AKAP6: variants seen among roughly 807,000 people sequenced by gnomAD.
AKAP6 encodes A-kinase anchor protein 6.
Under a neutral mutation model 188.5 loss-of-function variants are expected in AKAP6, and 58 were observed. The ratio of observed to expected loss-of-function variants is 0.31; its 90% CI spans 0.25 to 0.38. AKAP6 has a LOEUF of 0.38. Ranked by LOEUF, AKAP6 falls within the 10% of genes least tolerant of loss-of-function variation. The probability of loss-of-function intolerance (pLI) is 1.00; values close to 1 mark genes in which losing one functional copy is unlikely to be tolerated. For synonymous variants in AKAP6, 989 were observed against 998.6 expected (o/e 0.99, Z 0.18); for missense variants, 2,710 against 2,740.0 (o/e 0.99, Z 0.24).
rs987604998 is a variant in AKAP6 at position 32,559,785 on chromosome 14, T to C, written c.2346+12786T>C. On this transcript the variant is annotated intron_variant, in intron 4 of 13. Coordinates refer to ENST00000280979, the MANE Select transcript of AKAP6 (RefSeq NM_004274.5). ...GGAGGTAGTCCTCTAAGCCTAATCTTTTTTTTTTTTTTTTTTTTTAAGGCA... is the reference window on the plus strand; with the variant it reads ...GGAGGTAGTCCTCTAAGCCTAATCTCTTTTTTTTTTTTTTTTTTTAAGGCA... 3.6e-5 allele frequency among the ~76,000 whole-genome samples: 4 copies of C among 111,320 alleles called. No homozygotes were observed. In the East Asian group the frequency reaches 8.7e-4, roughly 24 times the overall value. The allele number at this position is 111,320 out of a possible 152,430, so 73.0% of individuals were successfully genotyped here. A position where few individuals can be genotyped will look rare whatever the true frequency, so the allele number is the denominator to read the frequency against.
At chr14:32,400,639 A>C (rs1181440299) in intron 1 of AKAP6, among the ~76,000 whole-genome samples, 1 of 148,032 alleles carries the variant, frequency 6.8e-6, no homozygotes, top group African/African-American at 2.5e-5. Flanking sequence ...TTATTTTAAT[A>C]GTTGTGGTCT....
intron 4 of AKAP6, among the ~76,000 whole-genome samples, chr14:32,576,715 A>C (rs1321325085): frequency 6.6e-6 from 1 of 152,146 alleles, no homozygotes; most frequent in Non-Finnish European, 1.5e-5. Context: ...CAGGAATGCC[A>C]ATCCCTGTAA....
chr14:32,751,939 T>C (rs969508247), intron 11 of AKAP6, among the ~76,000 whole-genome samples: 7 of 152,340 alleles, frequency 4.6e-5, no homozygotes, highest in African/African-American at 1.4e-4. Context: ...TTCTCTTTTT[T>C]GGTATTAACT....
intron 9 of AKAP6, among the ~76,000 whole-genome samples, chr14:32,706,595 T>C (rs1181894778): frequency 6.6e-6 from 1 of 152,148 alleles, no homozygotes; most frequent in Non-Finnish European, 1.5e-5. Flanking sequence ...AAAACCATTT[T>C]GCAGTCCTGT....
At chr14:32,571,498 C>A (rs1392880149) in intron 4 of AKAP6, among the ~76,000 whole-genome samples, 3 of 152,088 alleles carry the variant, frequency 2.0e-5, no homozygotes, top group Admixed American at 2.0e-4. Context: ...CCGCTGCACT[C>A]TAGCCTTATC....
intron 7 of AKAP6, among the ~76,000 whole-genome samples, chr14:32,657,925 T>G (rs748412811): frequency 6.6e-6 from 1 of 152,178 alleles, no homozygotes; most frequent in African/African-American, 2.4e-5. Context: ...ATGCCAATTT[T>G]ATATTTAACA....
intron 1 of AKAP6, among the ~76,000 whole-genome samples, chr14:32,381,059 G>A (rs1024762251): frequency 6.6e-6 from 1 of 152,128 alleles, no homozygotes; most frequent in African/African-American, 2.4e-5. Flanking sequence ...AATATCGGCT[G>A]GGCATGGTAG....
chr14:32,473,133 C>G (rs967431932), intron 2 of AKAP6, among the ~76,000 whole-genome samples: 2 of 152,168 alleles, frequency 1.3e-5, no homozygotes, highest in African/African-American at 4.8e-5. Flanking sequence ...CTAAGACTGA[C>G]CTACAGCTTT....
At chr14:32,435,219 A>C (rs1182068416) in intron 2 of AKAP6, among the ~76,000 whole-genome samples, 1 of 152,120 alleles carries the variant, frequency 6.6e-6, no homozygotes, top group African/African-American at 2.4e-5. Context: ...TCCCATAAGT[A>C]GATAGGGGGT....
intron 12 of AKAP6, among the ~76,000 whole-genome samples, chr14:32,778,392 C>G (rs1050712123): frequency 6.6e-6 from 1 of 151,100 alleles, no homozygotes; most frequent in African/African-American, 2.4e-5. Flanking sequence ...AGAAGTCAAA[C>G]GTATGACAAC....
chr14:32,523,692 C>T (rs77098665), intron 2 of AKAP6, among the ~76,000 whole-genome samples: 10,745 of 151,306 alleles, frequency 0.071, 411 homozygotes, highest in Admixed American at 0.11. Flanking sequence ...TGGTCTCGAG[C>T]TCCTGAGCCA....
chr14:32,339,242 T>C lies in AKAP6; in HGVS notation c.-35+9834T>C, dbSNP rs529061624. Among the ~76,000 whole-genome samples the C allele has an allele frequency of 3.9e-5, 6 of 152,304 alleles. No individual in the cohort carries two copies. In the South Asian group the frequency reaches 1.2e-3, roughly 32 times the overall value. ...TGTTACGAGAGTAAATGAATCCACA[T>C]AACCCTGTGAGAGGAGGCCACATGA... is the stretch of plus-strand genomic sequence containing the variant. On this transcript the variant is annotated intron_variant, in intron 1 of 13. Transcript: ENST00000280979.
At chr14:32,544,854 A>G (rs188548150) in intron 3 of AKAP6, among the ~76,000 whole-genome samples, 156 of 152,206 alleles carry the variant, frequency 1.0e-3, no homozygotes, top group Non-Finnish European at 1.7e-3. Context: ...ATTCGTGGAG[A>G]TTTTACTTTT....
chr14:32,412,801 C>T (rs3825750), intron 1 of AKAP6, among the ~76,000 whole-genome samples: 96,094 of 152,062 alleles, frequency 0.63, 32,728 homozygotes, highest in Non-Finnish European at 0.76. Context: ...ACACACACCA[C>T]GGATGATGTT....
intron 2 of AKAP6, chr14:32,494,270 A>G (rs745450913): frequency 2.0e-5 from 3 of 152,138 alleles, no homozygotes; most frequent in Non-Finnish European, 4.4e-5. Flanking sequence ...CTTTTGTGGA[A>G]ACCATGAGTA....
intron 9 of AKAP6, among the ~76,000 whole-genome samples, chr14:32,721,084 A>G (rs1277968235): frequency 6.6e-6 from 1 of 152,114 alleles, no homozygotes; most frequent in African/African-American, 2.4e-5. Flanking sequence ...TTGCATAACT[A>G]TTTTTACTAT....
intron 12 of AKAP6, among the ~76,000 whole-genome samples, chr14:32,783,116 C>A (rs576402117): frequency 6.6e-6 from 1 of 152,030 alleles, no homozygotes; most frequent in East Asian, 1.9e-4. Flanking sequence ...CATAAATGGT[C>A]AATTAATTTT....
chr14:32,533,562 G>T (rs1403792168), intron 2 of AKAP6, among the ~76,000 whole-genome samples: 1 of 152,150 alleles, frequency 6.6e-6, no homozygotes, highest in African/African-American at 2.4e-5. Flanking sequence ...ACAACAGAAT[G>T]GGGGGAAGTG....
chr14:32,829,929 T>C lies in AKAP6; in HGVS notation c.*124T>C, dbSNP rs2034785551. The C allele has an allele frequency of 1.4e-6, 1 of 702,598 alleles. No homozygotes were observed. The highest frequency in any genetic ancestry group is 2.6e-6 in the Non-Finnish European group (1 of 384,796). The allele number at this position is 702,598 out of a possible 1,614,324, so 43.5% of individuals were successfully genotyped here. On this transcript the variant is annotated 3_prime_UTR_variant, in exon 14 of 14. Transcript: ENST00000280979. ...GGTTCCATCACGTTTGTCACTGCCG[T>C]TTATTACATTGACTTCTCCCAAGAT...
Sources: gnomAD v4.1 joint callset for allele counts (sites outside exome capture counted in the v4.1 genomes callset) on GRCh38, gnomAD v4.1.1 for gene constraint, MANE v1.5 for transcripts, NCBI Gene and HGNC (gene_info 2026-07-23, HGNC 2026-07-21) for gene names.